CNTN6: variants seen among roughly 807,000 people sequenced by gnomAD.
CNTN6 encodes contactin 6, also known as contactin-6.
CNTN6 carries 137 observed loss-of-function variants against 122.8 expected under a neutral mutation model. That is an observed-to-expected ratio of 1.12 (90% CI 0.97 to 1.29). CNTN6 has a LOEUF of 1.29. CNTN6 is among the 50% of genes most tolerant of loss of function. The probability of loss-of-function intolerance (pLI) is 0.00; values close to 1 mark genes in which losing one functional copy is unlikely to be tolerated. For synonymous variants in CNTN6, 570 were observed against 426.0 expected, an observed-to-expected ratio of 1.34 and a Z score of -4.16; for missense variants, 1,634 against 1,223.4, an observed-to-expected ratio of 1.34 and a Z score of -5.01.
At chr3:1,315,740 C>G (rs978892224) in intron 7 of CNTN6, among the ~76,000 whole-genome samples, 1 of 151,878 alleles carries the variant, frequency 6.6e-6, no homozygotes, top group African/African-American at 2.4e-5. Context: ...CCTCCACACC[C>G]ACACATCCAT....
At chr3:1,248,624 A>T (rs1011139055) in intron 4 of CNTN6, among the ~76,000 whole-genome samples, 2 of 152,126 alleles carry the variant, frequency 1.3e-5, no homozygotes, top group Non-Finnish European at 2.9e-5. Context: ...GTTTGAGACT[A>T]GGTTGGCCAA....
Position 1,295,614 on chromosome 3 carries a change from A to G in CNTN6, c.468A>G (p.Ala156=), listed in dbSNP as rs141750859. Residue 156 remains alanine, a synonymous_variant, in exon 6 of 23, where the codon GCA becomes GCG. Transcript: ENST00000446702. Reference sequence around the variant, plus strand: ...CTTGTTTTTCAGATTTATCTTATGCATGGACCTTCAATGATAACCCCTTAT... The same window carrying G: ...CTTGTTTTTCAGATTTATCTTATGCGTGGACCTTCAATGATAACCCCTTAT... ...PPPHFGDLSY[A]WTFNDNPLYV... 3.8e-5 allele frequency: 61 copies of G among 1,613,426 alleles called. No homozygotes were observed. The highest frequency in any genetic ancestry group is 3.3e-4 in the Middle Eastern group (2 of 6,062).
Position 1,298,208 on chromosome 3 carries a change from C to T in CNTN6, c.761+217C>T. ...GAAAATGATCAGGGCTGCAATTCTT[C>T]CCTACAGGTGCTGATATTTCCTTAG... On this transcript the variant is annotated intron_variant, in intron 7 of 22. Transcript: ENST00000446702. 3 of 477,976 alleles carry T rather than the reference C, an allele frequency of 6.3e-6. No homozygotes were observed. The South Asian group carries it at 8.4e-5, about 13-fold the overall frequency. The allele number at this position is 477,976 out of a possible 1,614,324, so 29.6% of individuals were successfully genotyped here.
chr3:1,365,530 C>T (rs888123977), intron 12 of CNTN6, among the ~76,000 whole-genome samples: 7 of 151,932 alleles, frequency 4.6e-5, no homozygotes, highest in African/African-American at 1.7e-4. Context: ...GACATTGTTT[C>T]TCAGAAGTCC....
chr3:1,184,870 A>G (rs2093607245), intron 2 of CNTN6, among the ~76,000 whole-genome samples: 1 of 152,122 alleles, frequency 6.6e-6, no homozygotes, highest in South Asian at 2.1e-4. Context: ...ATTTTCTACT[A>G]GAAGTCCAAA....
At chr3:1,257,775 C>T (rs917646265) in intron 4 of CNTN6, among the ~76,000 whole-genome samples, 3 of 152,152 alleles carry the variant, frequency 2.0e-5, no homozygotes, top group Non-Finnish European at 2.9e-5. Flanking sequence ...AAAGCTACAC[C>T]GAAGGGTCAT....
At chr3:1,257,113 T>C (rs979292389) in intron 4 of CNTN6, among the ~76,000 whole-genome samples, 1 of 152,164 alleles carries the variant, frequency 6.6e-6, no homozygotes, top group African/African-American at 2.4e-5. Flanking sequence ...TTTGGATGTC[T>C]AGGTTTATTT....
chr3:1,363,027 A>AT (rs1707701079), intron 12 of CNTN6, among the ~76,000 whole-genome samples: 1 of 151,890 alleles, frequency 6.6e-6, no homozygotes, highest in Admixed American at 6.6e-5. Context: ...CTATTTAAAA[A>AT]TCCCCCCAAA....
At chr3:1,329,457 A>G (rs1701990085) in intron 10 of CNTN6, among the ~76,000 whole-genome samples, 1 of 151,740 alleles carries the variant, frequency 6.6e-6, no homozygotes, top group Non-Finnish European at 1.5e-5. Flanking sequence ...TATTATTGCA[A>G]TGACCACCAA....
chr3:1,097,110 G>A (rs527388071), intron 1 of CNTN6, among the ~76,000 whole-genome samples: 1 of 152,302 alleles, frequency 6.6e-6, no homozygotes, highest in South Asian at 2.1e-4. Flanking sequence ...TGCATGATGT[G>A]TTGTAGTATT....
chr3:1,305,458 C>G (rs1037904645), intron 7 of CNTN6, among the ~76,000 whole-genome samples: 1 of 152,122 alleles, frequency 6.6e-6, no homozygotes, highest in Non-Finnish European at 1.5e-5. Context: ...ACATGGTGGA[C>G]TCTTAATTAT....
chr3:1,140,822 C>T (rs756681065), intron 1 of CNTN6, among the ~76,000 whole-genome samples: 2 of 152,172 alleles, frequency 1.3e-5, no homozygotes, highest in Non-Finnish European at 2.9e-5. Context: ...AGCAGTACTG[C>T]TTCTTCTATG....
chr3:1,344,278 T>C (rs1320120703), intron 11 of CNTN6, among the ~76,000 whole-genome samples: 1 of 152,152 alleles, frequency 6.6e-6, no homozygotes, highest in Non-Finnish European at 1.5e-5. Flanking sequence ...ACCTGCTGCC[T>C]CACTTCAAGC....
At chr3:1,158,801 T>TAC (rs1178751244) in intron 2 of CNTN6, among the ~76,000 whole-genome samples, 18 of 132,986 alleles carry the variant, frequency 1.4e-4, no homozygotes, top group African/African-American at 2.4e-4. Flanking sequence ...TGTATATATA[T>TAC]ACACACATAT....
At position 1,243,360 on chromosome 3, in the gene CNTN6, G is replaced by T. The variant is rs551172108; in HGVS notation, c.358+15367G>T. 1.0e-3 allele frequency among the ~76,000 whole-genome samples: 156 copies of T among 152,266 alleles called. 1 individual carries two copies. Among genetic ancestry groups the T allele is most frequent in the African/African-American group, 3.7e-3 (153 of 41,540 alleles). ...TTCTTGTGTGCTGGAGATGTGGCTG[G>T]GGTTTGTGTCACAGTGGAGGCAAGG... On this transcript the variant is annotated intron_variant, in intron 4 of 22. Transcript: ENST00000446702.
intron 12 of CNTN6, among the ~76,000 whole-genome samples, chr3:1,363,999 G>A (rs1707848657): frequency 1.3e-5 from 2 of 151,822 alleles, no homozygotes; most frequent in Non-Finnish European, 2.9e-5. Context: ...GCATTTGCCT[G>A]ATGATTTATG....
chr3:1,103,920 G>T (rs1190702784), intron 1 of CNTN6, among the ~76,000 whole-genome samples: 1 of 151,520 alleles, frequency 6.6e-6, no homozygotes, highest in African/African-American at 2.4e-5. Flanking sequence ...TCTTCAATTC[G>T]TACAAAAATT....
At chr3:1,135,617 A>G (rs1328844503) in intron 1 of CNTN6, among the ~76,000 whole-genome samples, 2 of 152,226 alleles carry the variant, frequency 1.3e-5, no homozygotes, top group Non-Finnish European at 2.9e-5. Context: ...AATACACTGT[A>G]TATACACTAC....
At chr3:1,184,520 A>C (rs1406698091) in intron 2 of CNTN6, among the ~76,000 whole-genome samples, 1 of 152,126 alleles carries the variant, frequency 6.6e-6, no homozygotes, top group Non-Finnish European at 1.5e-5. Context: ...CTTTAACTAA[A>C]TTGTGGATAT....
Sources: gnomAD v4.1 joint callset for allele counts (sites outside exome capture counted in the v4.1 genomes callset) on GRCh38, gnomAD v4.1.1 for gene constraint, MANE v1.5 for transcripts, NCBI Gene and HGNC (gene_info 2026-07-23, HGNC 2026-07-21) for gene names.